PCDHA7: variants seen among roughly 807,000 people sequenced by gnomAD.
PCDHA7 encodes protocadherin alpha 7, also known as protocadherin alpha-7.
A neutral mutation model predicts 57.2 loss-of-function variants in PCDHA7; 37 were observed. That is an observed-to-expected ratio of 0.65 (90% CI 0.50 to 0.85). PCDHA7 has a LOEUF of 0.85. PCDHA7 is among the 40% of genes least tolerant of loss of function. The pLI is 0.00. For missense variants in PCDHA7, 1,188 were observed against 1,241.8 expected (o/e 0.96, Z 0.65); for synonymous variants, 553 against 558.8 (o/e 0.99, Z 0.15).
intron 1 of PCDHA7, among the ~76,000 whole-genome samples, chr5:140,937,132 GGTT>G (rs2091356684): frequency 6.6e-6 from 1 of 151,434 alleles, no homozygotes. Context: ...CCGCCTCCCG[GGTT>G]CATGCCATTC....
At chr5:140,922,068 A>C (rs1554200634) in intron 1 of PCDHA7, among the ~76,000 whole-genome samples, 1 of 152,196 alleles carries the variant, frequency 6.6e-6, no homozygotes, top group African/African-American at 2.4e-5. Context: ...TAGCAATCCC[A>C]CTAAGCAAAA....
At chr5:140,848,056 C>T (rs2150406105) in intron 1 of PCDHA7, 2 of 161,888 alleles carry the variant, frequency 1.2e-5, no homozygotes, top group South Asian at 3.2e-4. Context: ...TTAATTGTTA[C>T]TTCATTTCTG....
rs2150465616 is a variant in PCDHA7, at chr5:140,850,062, T to C, written c.2355+13324T>C. ...CGGCAAGGTGTACGCGCTGCAGCCG[T>C]TGGACCACGAGGAGCTGGAGCTGCT... On this transcript the variant is annotated intron_variant, in intron 1 of 3. Transcript: ENST00000525929. 1.4e-4 allele frequency: 229 copies of C among 1,596,236 alleles called. 16 individuals are homozygous for C. The highest frequency in any genetic ancestry group is 1.1e-3 in the East Asian group (50 of 44,828).
intron 1 of PCDHA7, chr5:140,857,853 A>G (rs782574851): frequency 1.3e-6 from 2 of 1,597,574 alleles, no homozygotes; most frequent in East Asian, 2.2e-5. Flanking sequence ...GACTCTGGAT[A>G]CAACGCGTGG....
chr5:140,851,487 C>T (rs1273932978), intron 1 of PCDHA7: 42 of 889,088 alleles, frequency 4.7e-5, no homozygotes, highest in Non-Finnish European at 5.1e-5. Context: ...TAAACACAGC[C>T]TTCATTTCAA....
At chr5:140,916,596 G>A (rs1482287916) in intron 1 of PCDHA7, among the ~76,000 whole-genome samples, 3 of 152,194 alleles carry the variant, frequency 2.0e-5, no homozygotes, top group Non-Finnish European at 4.4e-5. Context: ...GCTAGGGCCT[G>A]GAATGCGGGC....
intron 1 of PCDHA7, among the ~76,000 whole-genome samples, chr5:140,936,367 A>G (rs1347774517): frequency 2.0e-5 from 3 of 152,348 alleles, no homozygotes; most frequent in East Asian, 1.9e-4. Flanking sequence ...GCTACTGAGC[A>G]CTTGAAATGT....
Position 140,844,029 on chromosome 5 carries a change from A to C in PCDHA7, c.2355+7291A>C, listed in dbSNP as rs1554140517. Among the ~76,000 whole-genome samples the C allele has an allele frequency of 2.7e-5, 4 of 149,808 alleles. 1 individual carries two copies. The East Asian group carries it at 7.7e-4, about 29-fold the overall frequency. On this transcript the variant is annotated intron_variant, in intron 1 of 3. Coordinates refer to ENST00000525929, the MANE Select transcript of PCDHA7 (RefSeq NM_018910.3). ...CTCTAAGGACGTTCAGGGCATTTTG[A>C]TCTTTGGTGAAAGTATTCCCCCAAA...
intron 1 of PCDHA7, chr5:140,884,656 G>C (rs782439139): frequency 1.9e-6 from 3 of 1,602,178 alleles, no homozygotes; most frequent in Admixed American, 1.7e-5. Context: ...CAGAATGCTT[G>C]AAAGAGGTAA....
chr5:141,009,874 G>A lies in PCDHA7; in HGVS notation c.2751G>A (p.Lys917=), dbSNP rs1554262519. The A allele has an allele frequency of 6.2e-7, 1 of 1,613,836 alleles. No individual in the cohort carries two copies. Among genetic ancestry groups the A allele is most frequent in the African/African-American group, 1.3e-5 (1 of 74,824 alleles). ...CCAAGAAAAAGAAGAAAAAGAAGAA[G>A]GGTAACAAGACCCAGGAGAAAAAAG... ...EETKKKKKKK[K]GNKTQEKKEK... is the part of the protein sequence containing the mutation. Residue 917 remains lysine, a synonymous_variant, in exon 4 of 4, where the codon AAG becomes AAA. Transcript: ENST00000525929.
At chr5:140,920,548 C>T (rs1222470517) in intron 1 of PCDHA7, among the ~76,000 whole-genome samples, 5 of 152,186 alleles carry the variant, frequency 3.3e-5, no homozygotes, top group Admixed American at 6.5e-5. Context: ...ATTTCACCTT[C>T]GAAGTGTGGC....
At chr5:140,875,229 T>C (rs893316010) in intron 1 of PCDHA7, 7 of 838,964 alleles carry the variant, frequency 8.3e-6, no homozygotes, top group Non-Finnish European at 1.2e-5. Flanking sequence ...TCAGGATCTT[T>C]CTTGTACTTA....
Position 140,978,781 on chromosome 5 carries a change from A to C in PCDHA7, c.2356-168A>C, listed in dbSNP as rs4461687. ...GACCCTGATGAACTAATTTTCTTCT[A>C]AAGTGCTATATATGTAGATATCATC... On this transcript the variant is annotated intron_variant, in intron 1 of 3. Coordinates refer to ENST00000525929, the MANE Select transcript of PCDHA7 (RefSeq NM_018910.3). 2,731 of 969,880 alleles carry C rather than the reference A, an allele frequency of 2.8e-3. 24 individuals carry two copies. The East Asian group carries it at 0.042, about 15-fold the overall frequency. The allele number at this position is 969,880 out of a possible 1,614,324, so 60.1% of individuals were successfully genotyped here.
intron 1 of PCDHA7, chr5:140,871,648 T>G: frequency 7.8e-7 from 1 of 1,275,766 alleles, no homozygotes. Context: ...AAATACCAAA[T>G]GATACACATC....
chr5:140,942,796 G>C (rs2093370095), intron 1 of PCDHA7, among the ~76,000 whole-genome samples: 1 of 152,002 alleles, frequency 6.6e-6, no homozygotes, highest in Non-Finnish European at 1.5e-5. Flanking sequence ...ACAAAGGCAT[G>C]TTTTCCACAA....
chr5:140,993,406 T>G (rs1382987714), intron 3 of PCDHA7, among the ~76,000 whole-genome samples: 2 of 150,884 alleles, frequency 1.3e-5, no homozygotes, highest in Non-Finnish European at 2.9e-5. Context: ...TTAACCACCT[T>G]CATCAGCATT....
At chr5:140,962,174 C>T (rs1365738124) in intron 1 of PCDHA7, among the ~76,000 whole-genome samples, 1 of 152,100 alleles carries the variant, frequency 6.6e-6, no homozygotes, top group Admixed American at 6.6e-5. Context: ...CACACCCGGC[C>T]ACTTATATCA....
intron 1 of PCDHA7, chr5:140,861,476 C>T: frequency 2.0e-6 from 1 of 493,226 alleles, no homozygotes; most frequent in South Asian, 1.5e-5. Flanking sequence ...TGCAGAATGG[C>T]ATTTTTGTGA....
chr5:140,836,612 C>G lies in PCDHA7; in HGVS notation c.2229C>G (p.Ser743Arg). 2 of 1,613,634 alleles carry G rather than the reference C, an allele frequency of 1.2e-6. No homozygotes were observed. Among genetic ancestry groups the G allele is most frequent in the Non-Finnish European group, 1.7e-6 (2 of 1,179,782 alleles). The change falls in exon 1 of 4, where the codon AGC becomes AGG. Residue 743 changes from serine (S) to arginine (R), a missense_variant. Ser to Arg is a moderately radical substitution (Grantham distance 110). Transcript: ENST00000525929. ...SLVKPTLVCS[S>R]AVGSWSFSQQ... ...TAAAGCCCACTCTGGTGTGCTCCAG[C>G]GCGGTGGGGAGCTGGTCATTCTCCC... is the stretch of plus-strand genomic sequence containing the variant.
Sources: allele counts gnomAD v4.1 joint callset (sites outside exome capture counted in the v4.1 genomes callset), GRCh38; gene constraint gnomAD v4.1.1; transcripts MANE v1.5; gene names NCBI Gene and HGNC (gene_info 2026-07-23, HGNC 2026-07-21).